Variants in CFAP54 observed in about 807,000 individuals in gnomAD.
CFAP54 encodes cilia and flagella associated protein 54.
In CFAP54, 290 loss-of-function variants were observed where a neutral mutation model predicts 370.4. The ratio of observed to expected loss-of-function variants is 0.78; its 90% CI spans 0.71 to 0.86. The LOEUF (loss-of-function observed/expected upper bound fraction) is 0.86, where lower values mean the gene tolerates loss of function less well. CFAP54 is among the 40% of genes least tolerant of loss of function. The probability of loss-of-function intolerance (pLI) is 0.00; values close to 1 mark genes in which losing one functional copy is unlikely to be tolerated. For missense variants in CFAP54, 3,399 were observed against 3,528.7 expected, an observed-to-expected ratio of 0.96 and a Z score of 0.93; for synonymous variants, 1,206 against 1,236.5, an observed-to-expected ratio of 0.98 and a Z score of 0.52.
chr12:96,834,614 G>T (rs1959180380), intron 66 of CFAP54, among the ~76,000 whole-genome samples: 1 of 152,266 alleles, frequency 6.6e-6, no homozygotes, highest in African/African-American at 2.4e-5. Context: ...GGGGAACACA[G>T]TGGTGCCCAG....
intron 65 of CFAP54, among the ~76,000 whole-genome samples, chr12:96,826,926 A>C (rs1202362906): frequency 7.6e-6 from 1 of 130,974 alleles, no homozygotes; most frequent in African/African-American, 2.8e-5. Context: ...ATATGATTAT[A>C]TATAATATGC....
intron 19 of CFAP54, among the ~76,000 whole-genome samples, chr12:96,575,772 A>C (rs1193667485): frequency 6.6e-6 from 1 of 152,088 alleles, no homozygotes; most frequent in Non-Finnish European, 1.5e-5. Context: ...GTGAAGTAGG[A>C]GTTGAACTTT....
At chr12:96,812,723 C>T (rs1333741032) in intron 64 of CFAP54, among the ~76,000 whole-genome samples, 1 of 152,172 alleles carries the variant, frequency 6.6e-6, no homozygotes, top group South Asian at 2.1e-4. Flanking sequence ...GTTTCTCTGT[C>T]CTTCCTTTGA....
chr12:96,496,578 TAATTCCATCA>T lies in CFAP54; in HGVS notation c.318-4255_318-4246del, dbSNP rs1035054657. Among the ~76,000 whole-genome samples the T allele has an allele frequency of 1.6e-3, 240 of 152,328 alleles. 1 individual carries two copies. Among genetic ancestry groups the T allele is most frequent in the African/African-American group, 5.5e-3 (229 of 41,566 alleles). On this transcript the variant is annotated intron_variant, in intron 1 of 67. Transcript: ENST00000524981. ...CTGGAGTCTCTTCTTGTAGGGACAT[TAATTCCATCA>T]GGCCAGAGTACTAATCTTATAATTT...
chr12:96,523,254 C>T (rs575241279), intron 8 of CFAP54, among the ~76,000 whole-genome samples: 4 of 152,112 alleles, frequency 2.6e-5, no homozygotes, highest in South Asian at 2.1e-4. Flanking sequence ...TTTTATATTA[C>T]AGTTGGGAAA....
intron 17 of CFAP54, among the ~76,000 whole-genome samples, chr12:96,557,924 T>C (rs1955772079): frequency 6.6e-6 from 1 of 152,142 alleles, no homozygotes; most frequent in Admixed American, 6.6e-5. Context: ...TCTGGAAACA[T>C]AGACATATGT....
chr12:96,691,210 T>C lies in CFAP54; in HGVS notation c.6164T>C (p.Ile2055Thr), dbSNP rs773990835. The C allele has an allele frequency of 1.2e-6, 2 of 1,613,600 alleles. No homozygotes were observed. Among genetic ancestry groups the C allele is most frequent in the South Asian group, 2.2e-5 (2 of 91,036 alleles). The change falls in exon 44 of 68, where the codon ATT becomes ACT. Residue 2055 changes from isoleucine to threonine, a missense_variant. Physicochemically the swap from Ile to Thr is moderately conservative, Grantham distance 89. Around this residue, in one of 3 missense-constraint regions of CFAP54, gnomAD observed 2,796 missense variants for 2,869.7 expected, o/e 0.97. Transcript: ENST00000524981. ...GAAATCACTCAGCTTCTCCCAGGCATTGAACTCTTCTCAGATAGATACAGG... is the reference window on the plus strand; with the variant it reads ...GAAATCACTCAGCTTCTCCCAGGCACTGAACTCTTCTCAGATAGATACAGG... Reference protein sequence around the residue: ...QYEITQLLPGIELFSDRYRAD... With the variant: ...QYEITQLLPGTELFSDRYRAD...
intron 32 of CFAP54, among the ~76,000 whole-genome samples, chr12:96,638,867 A>T (rs11108600): frequency 0.037 from 5,639 of 152,256 alleles, 144 homozygotes; most frequent in African/African-American, 0.077. Context: ...TTCCCACTTC[A>T]TAGGGAACGC....
intron 66 of CFAP54, among the ~76,000 whole-genome samples, chr12:96,850,512 T>G (rs1011019590): frequency 9.9e-5 from 15 of 152,056 alleles, no homozygotes; most frequent in African/African-American, 3.6e-4. Flanking sequence ...GTGGCAGTGC[T>G]GCAGATTGGA....
chr12:96,512,304 TATATATATATATATATA>T (rs1565880086), intron 4 of CFAP54, among the ~76,000 whole-genome samples: 25 of 6,824 alleles, frequency 3.7e-3, no homozygotes, highest in African/African-American at 0.02. Flanking sequence ...ACCAATTTTA[TATATATATATATATATA>T]TATATATATA....
At chr12:96,803,644 G>C (rs954577238) in intron 63 of CFAP54, among the ~76,000 whole-genome samples, 4 of 152,116 alleles carry the variant, frequency 2.6e-5, no homozygotes, top group African/African-American at 9.7e-5. Context: ...TATTGTCAAA[G>C]AAGTAACACA....
chr12:96,572,199 T>C (rs1955927045), intron 19 of CFAP54, among the ~76,000 whole-genome samples: 1 of 152,142 alleles, frequency 6.6e-6, no homozygotes. Flanking sequence ...AGACCAGTGT[T>C]TAGAGGGTGT....
chr12:96,796,004 C>G (rs146268036), intron 63 of CFAP54, among the ~76,000 whole-genome samples: 32 of 152,280 alleles, frequency 2.1e-4, no homozygotes, highest in African/African-American at 7.2e-4. Flanking sequence ...GCTTGGCTCT[C>G]TAAATTTGTC....
At chr12:96,678,370 G>C (rs1461748565) in intron 39 of CFAP54, among the ~76,000 whole-genome samples, 1 of 152,094 alleles carries the variant, frequency 6.6e-6, no homozygotes, top group Non-Finnish European at 1.5e-5. Flanking sequence ...CCCTGCCTCA[G>C]CCTCTTCAGT....
rs527517270 is a variant in CFAP54, at chr12:96,669,815, T to C, written c.5563+5883T>C. Among the ~76,000 whole-genome samples the C allele has an allele frequency of 3.9e-5, 6 of 152,180 alleles. No individual in the cohort carries two copies. The South Asian group carries it at 1.2e-3, about 32-fold the overall frequency. On this transcript the variant is annotated intron_variant, in intron 39 of 67. Coordinates refer to ENST00000524981, the MANE Select transcript of CFAP54 (RefSeq NM_001306084.2). ...CACTCAGGAGAGAGCAGATTGGAGA[T>C]TTGTATTTTAGTCATCAATGTATTG...
chr12:96,563,006 A>G (rs1592852551), intron 17 of CFAP54, among the ~76,000 whole-genome samples: 1 of 152,326 alleles, frequency 6.6e-6, no homozygotes, highest in Non-Finnish European at 1.5e-5. Flanking sequence ...GTTTAGAAAT[A>G]TGTTTCAAAA....
rs151143245 is a variant in CFAP54, at chr12:96,649,852, A to G, written c.4691-39A>G. The G allele has an allele frequency of 5.5e-4, 767 of 1,390,678 alleles. 2 individuals carry two copies. Among genetic ancestry groups the G allele is most frequent in the Non-Finnish European group, 7.3e-4 (738 of 1,015,814 alleles). 86.1% of individuals were successfully genotyped at this position (1,390,678 alleles called of 1,614,324 possible). ...ACTGTGTTTTCTGGAACTTAATTCT[A>G]TGTTTTTAATCATGTCATATCTTAT... is the stretch of plus-strand genomic sequence containing the variant. On this transcript the variant is annotated intron_variant, in intron 34 of 67. Coordinates refer to ENST00000524981, the MANE Select transcript of CFAP54 (RefSeq NM_001306084.2).
chr12:96,735,218 A>G (rs11108662), intron 50 of CFAP54, among the ~76,000 whole-genome samples: 57,481 of 152,108 alleles, frequency 0.38, 12,036 homozygotes, highest in East Asian at 0.68. Flanking sequence ...GCTAAGCATA[A>G]TAATTCAACT....
chr12:96,788,693 C>T (rs1958652781), intron 62 of CFAP54, among the ~76,000 whole-genome samples: 1 of 151,960 alleles, frequency 6.6e-6, no homozygotes, highest in African/African-American at 2.4e-5. Flanking sequence ...CTCTTTTGAA[C>T]ATTCCTTCCC....
Sources: gnomAD v4.1 joint callset for allele counts (sites outside exome capture counted in the v4.1 genomes callset) on GRCh38, gnomAD v4.1.1 for gene constraint, gnomAD v4.1.1 regional missense constraint, MANE v1.5 for transcripts, NCBI Gene and HGNC (gene_info 2026-07-23, HGNC 2026-07-21) for gene names.